The following TUBGCP3 variants were observed in gnomAD, a reference collection of about 807,000 sequenced individuals.
TUBGCP3 encodes gamma-tubulin complex component 3.
A neutral mutation model predicts 123.1 loss-of-function variants in TUBGCP3; 50 were observed. That is an observed-to-expected ratio of 0.41 (90% CI 0.32 to 0.51). The LOEUF (loss-of-function observed/expected upper bound fraction) is 0.51, where lower values mean the gene tolerates loss of function less well. Ranked by LOEUF, TUBGCP3 falls within the 20% of genes least tolerant of loss-of-function variation. TUBGCP3 has a pLI of 0.36. For missense variants in TUBGCP3, 882 were observed against 1,127.0 expected (o/e 0.78, Z 3.11); for synonymous variants, 405 against 413.9 (o/e 0.98, Z 0.26).
At chr13:112,535,711 T>C (rs1173669934) in intron 11 of TUBGCP3, among the ~76,000 whole-genome samples, 1 of 152,230 alleles carries the variant, frequency 6.6e-6, no homozygotes, top group Non-Finnish European at 1.5e-5. Flanking sequence ...GGAAATACTT[T>C]TCTCCCACTC....
chr13:112,509,347 G>A (rs1486588222), intron 17 of TUBGCP3, among the ~76,000 whole-genome samples: 1 of 152,218 alleles, frequency 6.6e-6, no homozygotes, highest in Non-Finnish European at 1.5e-5. Flanking sequence ...TTGTCACTGG[G>A]AGCCAGCAAC....
intron 21 of TUBGCP3, among the ~76,000 whole-genome samples, chr13:112,487,085 G>GTA (rs1555335867): frequency 2.8e-4 from 26 of 92,056 alleles, no homozygotes; most frequent in African/African-American, 9.8e-4. Context: ...GTGTGTGTCT[G>GTA]TGTGTGTGTG....
intron 1 of TUBGCP3, among the ~76,000 whole-genome samples, chr13:112,572,882 A>G (rs1456320315): frequency 6.6e-6 from 1 of 152,192 alleles, no homozygotes; most frequent in Non-Finnish European, 1.5e-5. Flanking sequence ...AGACTTGCCC[A>G]ACGCAGGGTG....
chr13:112,594,792 A>G, the TUBGCP3 span, among the ~76,000 whole-genome samples: 13 of 152,284 alleles, frequency 8.5e-5, no homozygotes, highest in African/African-American at 2.9e-4. Flanking sequence ...GTGTACTTTT[A>G]CGTATTTCTC....
chr13:112,589,991 CTTTTTT>C (rs898076645), upstream of TUBGCP3, among the ~76,000 whole-genome samples: 1 of 145,802 alleles, frequency 6.9e-6, no homozygotes, highest in Admixed American at 6.9e-5. Flanking sequence ...AACCATCTTT[CTTTTTT>C]TTTTTTTCTT....
At chr13:112,502,935 A>C (rs926513916) in intron 19 of TUBGCP3, among the ~76,000 whole-genome samples, 1 of 152,080 alleles carries the variant, frequency 6.6e-6, no homozygotes, top group Non-Finnish European at 1.5e-5. Flanking sequence ...CATGTAAAAC[A>C]CTCCATATAG....
Position 112,504,120 on chromosome 13 carries a change from T to C in TUBGCP3, c.2219A>G (p.Gln740Arg), listed in dbSNP as rs1881115060. The C allele has an allele frequency of 6.2e-7, 1 of 1,614,200 alleles. No homozygotes were observed. Among genetic ancestry groups the C allele is most frequent in the Non-Finnish European group, 8.5e-7 (1 of 1,180,030 alleles). Residue 740 changes from glutamine (Q) to arginine (R), a missense_variant, in exon 19 of 22, where the codon CAG (glutamine) becomes CGG (arginine). This residue lies in a region of TUBGCP3 where 160 missense variants were observed against 220.3 expected (regional missense o/e 0.73). Coordinates refer to ENST00000261965, the MANE Select transcript of TUBGCP3 (RefSeq NM_006322.6). The stretch of plus-strand genomic sequence containing the variant: ...AATGATGTGATCCAAATCCTGGGCC[T>C]GCTGGACTTTGTTCCAAAGCTCATC... Reference protein sequence around the residue: ...SWDELWNKVQQAQDLDHIIAA... With the variant: ...SWDELWNKVQRAQDLDHIIAA...
intron 14 of TUBGCP3, chr13:112,521,819 A>G: frequency 2.4e-5 from 24 of 985,432 alleles, no homozygotes; most frequent in Non-Finnish European, 2.8e-5. Context: ...CTAGAAGCAC[A>G]GCAGGCTCTG....
At chr13:112,597,195 G>A in the TUBGCP3 span, among the ~76,000 whole-genome samples, 2 of 152,202 alleles carry the variant, frequency 1.3e-5, no homozygotes, top group Non-Finnish European at 2.9e-5. Flanking sequence ...GGCTCTTAAG[G>A]TTGCTTAGGG....
At chr13:112,548,203 G>A in intron 8 of TUBGCP3, 27 bp from the exon 9 acceptor site, 1 of 1,568,996 alleles carries the variant, frequency 6.4e-7, no homozygotes. Flanking sequence ...TATAATTAAA[G>A]CACGACACAC....
intron 8 of TUBGCP3, among the ~76,000 whole-genome samples, chr13:112,551,333 C>T (rs567997128): frequency 2.6e-5 from 4 of 152,144 alleles, no homozygotes; most frequent in African/African-American, 9.7e-5. Flanking sequence ...AAGTTTCACA[C>T]TTACAAAACA....
At chr13:112,601,056 C>T in the TUBGCP3 span, among the ~76,000 whole-genome samples, 22 of 151,808 alleles carry the variant, frequency 1.4e-4, no homozygotes, top group African/African-American at 4.8e-4. Context: ...AACGCAGTAG[C>T]GTTTGCCTGT....
the TUBGCP3 span, among the ~76,000 whole-genome samples, chr13:112,599,054 A>G: frequency 4.6e-5 from 7 of 152,168 alleles, no homozygotes; most frequent in South Asian, 1.4e-3. Context: ...GAATATAAAG[A>G]TGGCAGAGTT....
chr13:112,568,169 T>A (rs1337453984), intron 2 of TUBGCP3, among the ~76,000 whole-genome samples: 5 of 150,826 alleles, frequency 3.3e-5, no homozygotes, highest in Non-Finnish European at 5.9e-5. Flanking sequence ...CTAGAAGGTG[T>A]TATCACTAAG....
At chr13:112,574,985 A>C (rs1881697116) in intron 1 of TUBGCP3, among the ~76,000 whole-genome samples, 1 of 152,190 alleles carries the variant, frequency 6.6e-6, no homozygotes, top group Non-Finnish European at 1.5e-5. Flanking sequence ...GCCCTGCGCC[A>C]GGCTACCAGC....
At chr13:112,553,957 A>G in intron 8 of TUBGCP3, 100 bp downstream of exon 8, 1 of 1,523,080 alleles carries the variant, frequency 6.6e-7, no homozygotes, top group Non-Finnish European at 8.8e-7. Context: ...CTTTACTTGG[A>G]AAGAGCCTTA....
intron 17 of TUBGCP3, among the ~76,000 whole-genome samples, chr13:112,513,229 T>C (rs1264617546): frequency 2.6e-5 from 4 of 152,198 alleles, no homozygotes. Flanking sequence ...TAGTTTCCAG[T>C]AGTAGAAATG....
intron 5 of TUBGCP3, among the ~76,000 whole-genome samples, chr13:112,557,856 A>G (rs1880171880): frequency 6.6e-6 from 1 of 152,240 alleles, no homozygotes; most frequent in Admixed American, 6.5e-5. Context: ...TGAAGAGGCC[A>G]CTATTCCCTA....
intron 1 of TUBGCP3, among the ~76,000 whole-genome samples, chr13:112,578,847 C>T (rs911539730): frequency 4.6e-5 from 7 of 152,140 alleles, no homozygotes; most frequent in African/African-American, 1.4e-4. Context: ...GTCACCCCCA[C>T]GACCTGGTGT....
Sources: gnomAD v4.1 joint callset for allele counts (sites outside exome capture counted in the v4.1 genomes callset) on GRCh38, gnomAD v4.1.1 for gene constraint, gnomAD v4.1.1 regional missense constraint, MANE v1.5 for transcripts, NCBI Gene and HGNC (gene_info 2026-07-23, HGNC 2026-07-21) for gene names.